APLP2: variants seen among roughly 807,000 people sequenced by gnomAD.
APLP2 encodes the protein amyloid beta precursor like protein 2.
In APLP2, 53 loss-of-function variants were observed where a neutral mutation model predicts 89.9. That is an observed-to-expected ratio of 0.59 (90% CI 0.47 to 0.74). APLP2 has a LOEUF of 0.74. APLP2 is among the 30% of genes least tolerant of loss of function. APLP2 has a pLI of 0.00. For synonymous variants in APLP2, 372 were observed against 348.6 expected (o/e 1.07, Z -0.75); for missense variants, 973 against 975.9 (o/e 1.00, Z 0.04).
At chr11:130,071,945 G>C (rs1048747535) in intron 1 of APLP2, among the ~76,000 whole-genome samples, 1 of 152,164 alleles carries the variant, frequency 6.6e-6, no homozygotes, top group Non-Finnish European at 1.5e-5. Context: ...AGGGACTGTC[G>C]AAGCTTAATT....
chr11:130,081,081 G>T (rs1454921742), intron 1 of APLP2, among the ~76,000 whole-genome samples: 1 of 152,090 alleles, frequency 6.6e-6, no homozygotes. Flanking sequence ...AGAAAATACA[G>T]TTTTGACCAA....
Position 130,143,673 on chromosome 11 carries a change from G to A in APLP2, c.*225G>A. 2.3e-6 allele frequency: 1 copy of A among 444,292 alleles called. No homozygotes were observed. The highest frequency in any genetic ancestry group is 4.0e-6 in the Non-Finnish European group (1 of 247,114). The allele number at this position is 444,292 out of a possible 1,614,324, so 27.5% of individuals were successfully genotyped here. A position where few individuals can be genotyped will look rare whatever the true frequency, so the allele number is the denominator to read the frequency against. On this transcript the variant is annotated 3_prime_UTR_variant, in exon 17 of 17. Transcript: ENST00000338167. ...AATATATGATATATAAACCTTAAAT[G>A]AAAAAAATGATCTATTGCAGATATT...
At chr11:130,073,648 C>T (rs1171657187) in intron 1 of APLP2, among the ~76,000 whole-genome samples, 1 of 152,134 alleles carries the variant, frequency 6.6e-6, no homozygotes, top group East Asian at 1.9e-4. Context: ...CGAGACCAGC[C>T]TGAGCAACAT....
At chr11:130,108,113 C>T (rs913871882) in intron 1 of APLP2, among the ~76,000 whole-genome samples, 9 of 152,132 alleles carry the variant, frequency 5.9e-5, no homozygotes, top group African/African-American at 9.7e-5. Context: ...ATAAAAACCC[C>T]AGAAGAAAAC....
Position 130,141,882 on chromosome 11 carries a change from C to CA in APLP2, c.1999-36dup. On this transcript the variant is annotated intron_variant, in intron 15 of 16. Transcript: ENST00000338167. The surrounding 1 kb of genome is among the most constrained non-coding windows in gnomAD (Gnocchi z 4.2). ...ACTTGCCTCACGGCTGCCAGATGGT[C>CA]ACTGGGACTTTTTTCCACGTCTGCT... 6.3e-7 allele frequency: 1 copy of CA among 1,575,516 alleles called. No individual in the cohort carries two copies. Among genetic ancestry groups the CA allele is most frequent in the Non-Finnish European group, 8.7e-7 (1 of 1,153,594 alleles).
In APLP2 at chr11:130,121,567, C is replaced by T. The variant is rs377280332; in HGVS notation, c.517-47C>T. ...GTAGAGATCGGAGTGTATTTGACCA[C>T]GTTTACTCTGGAGTATGTTCTGATG... On this transcript the variant is annotated intron_variant, in intron 4 of 16. Transcript: ENST00000338167. The T allele has an allele frequency of 5.5e-5, 85 of 1,544,560 alleles. No individual in the cohort carries two copies. In the Admixed American group the frequency reaches 1.2e-3, roughly 21 times the overall value.
At chr11:130,089,252 ACTGGTCTC>A (rs1473123137) in intron 1 of APLP2, among the ~76,000 whole-genome samples, 23 of 152,044 alleles carry the variant, frequency 1.5e-4, no homozygotes, top group Admixed American at 1.5e-3. Context: ...TGGCTTCCTA[ACTGGTCTC>A]CTTTCTATAC....
intron 9 of APLP2, among the ~76,000 whole-genome samples, chr11:130,128,265 C>T (rs149635271): frequency 1.3e-5 from 2 of 152,334 alleles, no homozygotes; most frequent in East Asian, 3.9e-4. Context: ...TAGCAGCAAA[C>T]TGCATTCCCC....
chr11:130,091,464 C>T (rs1945160226), intron 1 of APLP2, among the ~76,000 whole-genome samples: 1 of 138,126 alleles, frequency 7.2e-6, no homozygotes, highest in Admixed American at 6.8e-5. Flanking sequence ...CCCCTCACCT[C>T]CCAGACGGGG....
At chr11:130,134,798 C>G (rs1007944683) in intron 12 of APLP2, among the ~76,000 whole-genome samples, 1 of 151,978 alleles carries the variant, frequency 6.6e-6, no homozygotes, top group East Asian at 1.9e-4. Context: ...CCCAGGGCTG[C>G]GTGTGGGGTT....
At chr11:130,138,215 G>A (rs925788142) in intron 13 of APLP2, among the ~76,000 whole-genome samples, 2 of 152,234 alleles carry the variant, frequency 1.3e-5, no homozygotes, top group Non-Finnish European at 2.9e-5. Flanking sequence ...CTGTTGATGG[G>A]CCAAACGGTG....
intron 1 of APLP2, among the ~76,000 whole-genome samples, chr11:130,101,022 GTGGTCAC>G (rs1946842396): frequency 6.6e-6 from 1 of 151,744 alleles, no homozygotes; most frequent in African/African-American, 2.4e-5. Flanking sequence ...GTTTCAAACT[GTGGTCAC>G]TGTTTGGACA....
intron 3 of APLP2, among the ~76,000 whole-genome samples, chr11:130,111,217 A>G (rs1237296224): frequency 2.0e-5 from 3 of 152,180 alleles, no homozygotes; most frequent in East Asian, 1.9e-4. Context: ...TTCAGAGCCA[A>G]TTTGAGTAAA....
intron 1 of APLP2, among the ~76,000 whole-genome samples, chr11:130,081,448 A>T (rs12277381): frequency 1.8e-3 from 277 of 152,348 alleles, no homozygotes; most frequent in Non-Finnish European, 2.8e-3. Context: ...TCATTTTATA[A>T]GGGTGATAAA....
intron 1 of APLP2, among the ~76,000 whole-genome samples, chr11:130,080,173 T>C (rs928107285): frequency 6.6e-6 from 1 of 152,214 alleles, no homozygotes; most frequent in Non-Finnish European, 1.5e-5. Context: ...TCAAAGTTAA[T>C]AGCCTCCTAA....
At chr11:130,116,542 G>C (rs1250148995) in intron 3 of APLP2, among the ~76,000 whole-genome samples, 1 of 152,048 alleles carries the variant, frequency 6.6e-6, no homozygotes, top group Non-Finnish European at 1.5e-5. Context: ...CTGGAGTGCA[G>C]TGGCGCGATC....
chr11:130,136,527 C>T (rs1324715041), intron 13 of APLP2, among the ~76,000 whole-genome samples: 1 of 152,104 alleles, frequency 6.6e-6, no homozygotes, highest in African/African-American at 2.4e-5. Context: ...GGGTCGAATC[C>T]AAGCTGATCT....
At chr11:130,096,680 T>C (rs1224945151) in intron 1 of APLP2, among the ~76,000 whole-genome samples, 1 of 152,196 alleles carries the variant, frequency 6.6e-6, no homozygotes, top group Non-Finnish European at 1.5e-5. Flanking sequence ...ATTGCACCAC[T>C]GAACTCCAGC....
At chr11:130,101,864 T>C in intron 1 of APLP2, 1 of 444,658 alleles carries the variant, frequency 2.2e-6, no homozygotes, top group Non-Finnish European at 4.5e-6. Flanking sequence ...ACTAATGTCC[T>C]TTTCCTGTTC....
Sources: allele counts gnomAD v4.1 joint callset (sites outside exome capture counted in the v4.1 genomes callset), GRCh38; gene constraint gnomAD v4.1.1; non-coding constraint Gnocchi (gnomAD v3.1); transcripts MANE v1.5; gene names NCBI Gene and HGNC (gene_info 2026-07-23, HGNC 2026-07-21).